The following NRXN1 variants were observed in gnomAD, a reference collection of about 807,000 sequenced individuals.
NRXN1 encodes neurexin 1.
In NRXN1, 39 loss-of-function variants were observed where a neutral mutation model predicts 150.9. The ratio of observed to expected loss-of-function variants is 0.26; its 90% CI spans 0.20 to 0.34. The LOEUF (loss-of-function observed/expected upper bound fraction) is 0.34. Ranked by LOEUF, NRXN1 falls within the 10% of genes least tolerant of loss-of-function variation. The pLI, the probability that NRXN1 is intolerant of heterozygous loss-of-function variation, is 1.00. For missense variants in NRXN1, 1,815 were observed against 1,949.9 expected, an observed-to-expected ratio of 0.93 and a Z score of 1.30; for synonymous variants, 924 against 757.0, an observed-to-expected ratio of 1.22 and a Z score of -3.62.
chr2:49,940,541 A>G (rs957243440), intron 22 of NRXN1, among the ~76,000 whole-genome samples: 9 of 152,228 alleles, frequency 5.9e-5, no homozygotes, highest in Non-Finnish European at 1.3e-4. Flanking sequence ...CCATGATGAA[A>G]CATTATTCAG....
At chr2:50,846,339 C>T (rs1325253488) in intron 5 of NRXN1, among the ~76,000 whole-genome samples, 2 of 152,142 alleles carry the variant, frequency 1.3e-5, no homozygotes, top group African/African-American at 2.4e-5. Context: ...AGAAGGAATG[C>T]TCCTCACTCC....
chr2:50,245,563 GA>G (rs1265099066), intron 17 of NRXN1, among the ~76,000 whole-genome samples: 1 of 151,858 alleles, frequency 6.6e-6, no homozygotes, highest in Non-Finnish European at 1.5e-5. Context: ...CTATTTTGAA[GA>G]GCATAACCTA....
chr2:50,953,255 G>A (rs1170774804), intron 2 of NRXN1, among the ~76,000 whole-genome samples: 3 of 152,186 alleles, frequency 2.0e-5, no homozygotes, highest in Non-Finnish European at 4.4e-5. Flanking sequence ...CAATGTCTCT[G>A]AGTCACACTT....
chr2:50,005,764 A>T (rs1430499292), intron 21 of NRXN1, among the ~76,000 whole-genome samples: 1 of 152,082 alleles, frequency 6.6e-6, no homozygotes, highest in Non-Finnish European at 1.5e-5. Context: ...TTCTGCACCA[A>T]ATTCTACAGT....
chr2:50,637,716 T>C (rs993177144), intron 5 of NRXN1, among the ~76,000 whole-genome samples: 27 of 152,254 alleles, frequency 1.8e-4, no homozygotes, highest in African/African-American at 6.5e-4. Context: ...GCTCTACTTG[T>C]GTTAGAAGCC....
At chr2:50,272,471 C>T (rs1360829444) in intron 17 of NRXN1, among the ~76,000 whole-genome samples, 3 of 151,964 alleles carry the variant, frequency 2.0e-5, no homozygotes, top group Non-Finnish European at 4.4e-5. Context: ...AAGTGGCAAA[C>T]AGAAAATAAA....
In NRXN1 at chr2:50,053,639, A is replaced by G. The variant is rs115881283; in HGVS notation, c.3809-49T>C. On this transcript the variant is annotated intron_variant, in intron 20 of 22. Coordinates refer to ENST00000401669, the MANE Select transcript of NRXN1 (RefSeq NM_001330078.2). ...TGCAAAAATGTTGATTGTGAACTCT[A>G]TATCTACAATGGATGATAAAACAGA... is the stretch of plus-strand genomic sequence containing the variant. The G allele has an allele frequency of 1.7e-3, 2,693 of 1,553,482 alleles. 40 individuals carry two copies. In the African/African-American group the frequency reaches 0.032, roughly 19 times the overall value.
chr2:50,520,693 T>A (rs1350969149), intron 12 of NRXN1, among the ~76,000 whole-genome samples: 1 of 151,956 alleles, frequency 6.6e-6, no homozygotes, highest in Non-Finnish European at 1.5e-5. Flanking sequence ...CAATATATTA[T>A]TTTTAGCAGT....
intron 5 of NRXN1, among the ~76,000 whole-genome samples, chr2:50,915,439 T>C (rs1345207893): frequency 6.6e-6 from 1 of 151,684 alleles, no homozygotes; most frequent in Non-Finnish European, 1.5e-5. Context: ...ACCAATGATT[T>C]CCTAGGGTTG....
chr2:50,787,391 T>A lies in NRXN1; in HGVS notation c.832+134478A>T, dbSNP rs181078205. On this transcript the variant is annotated intron_variant, in intron 5 of 22. Coordinates refer to ENST00000401669, the MANE Select transcript of NRXN1 (RefSeq NM_001330078.2). ...CCTTGACTATGTGGTGAAACCCCCATCTCTACTAAAAATACAATAAATTAG... is the reference window on the plus strand; with the variant it reads ...CCTTGACTATGTGGTGAAACCCCCAACTCTACTAAAAATACAATAAATTAG... Among the ~76,000 whole-genome samples the A allele has an allele frequency of 2.6e-3, 400 of 151,874 alleles. 5 individuals carry two copies. Among genetic ancestry groups the A allele is most frequent in the South Asian group, 5.6e-3 (27 of 4,800 alleles).
At chr2:50,312,813 T>A (rs2152965694) in intron 17 of NRXN1, 1 of 499,080 alleles carries the variant, frequency 2.0e-6, no homozygotes, top group East Asian at 5.6e-5. Flanking sequence ...CAAACAATGG[T>A]AAAATTAAAC....
At chr2:50,468,940 G>A (rs1443100266) in intron 16 of NRXN1, among the ~76,000 whole-genome samples, 1 of 151,558 alleles carries the variant, frequency 6.6e-6, no homozygotes, top group Non-Finnish European at 1.5e-5. Flanking sequence ...GAATGTTACA[G>A]TTGTACAAAA....
At chr2:50,522,900 T>TTC (rs1035902661) in intron 12 of NRXN1, among the ~76,000 whole-genome samples, 3 of 150,768 alleles carry the variant, frequency 2.0e-5, no homozygotes, top group African/African-American at 7.3e-5. Context: ...CCCTGCTAGT[T>TTC]TTTTTGTATT....
intron 5 of NRXN1, among the ~76,000 whole-genome samples, chr2:50,850,308 T>TCTC (rs944524340): frequency 2.0e-5 from 3 of 152,122 alleles, no homozygotes; most frequent in African/African-American, 7.2e-5. Flanking sequence ...GGACCTCCCT[T>TCTC]CTCCACTGCT....
intron 5 of NRXN1, among the ~76,000 whole-genome samples, chr2:50,715,830 A>G (rs963843665): frequency 1.3e-5 from 2 of 152,158 alleles, no homozygotes; most frequent in Non-Finnish European, 2.9e-5. Context: ...TAATCTCCAT[A>G]TATTGATCTC....
At chr2:50,828,486 G>C (rs1386454721) in intron 5 of NRXN1, among the ~76,000 whole-genome samples, 1 of 150,868 alleles carries the variant, frequency 6.6e-6, no homozygotes, top group Non-Finnish European at 1.5e-5. Flanking sequence ...GCGGTTGCCA[G>C]GCGGAGGGTC....
At chr2:50,059,263 G>C (rs76953950) in intron 19 of NRXN1, among the ~76,000 whole-genome samples, 3,360 of 152,278 alleles carry the variant, frequency 0.022, 127 homozygotes, top group African/African-American at 0.076. Flanking sequence ...AGCATTTTAT[G>C]CCTGCTCTAC....
chr2:50,708,636 G>C (rs1694754279), intron 5 of NRXN1, among the ~76,000 whole-genome samples: 1 of 151,938 alleles, frequency 6.6e-6, no homozygotes, highest in Non-Finnish European at 1.5e-5. Context: ...CATAAAACAG[G>C]GTACCCTTAC....
At chr2:50,153,120 T>G (rs1459005849) in intron 18 of NRXN1, among the ~76,000 whole-genome samples, 1 of 151,750 alleles carries the variant, frequency 6.6e-6, no homozygotes, top group East Asian at 1.9e-4. Flanking sequence ...GTTCTGTATT[T>G]TATTCCCTCT....
Sources: allele counts gnomAD v4.1 joint callset (sites outside exome capture counted in the v4.1 genomes callset), GRCh38; gene constraint gnomAD v4.1.1; transcripts MANE v1.5; gene names NCBI Gene and HGNC (gene_info 2026-07-23, HGNC 2026-07-21).